The following TRIM16 variants were observed in gnomAD, a reference collection of about 807,000 sequenced individuals.
The protein encoded by TRIM16 is tripartite motif containing 16.
In TRIM16, 33 loss-of-function variants were observed where a neutral mutation model predicts 50.4. The observed-to-expected ratio is 0.65, with a 90% confidence interval of 0.50 to 0.88. TRIM16 has a LOEUF of 0.88. Ranked by LOEUF, TRIM16 falls within the 40% of genes least tolerant of loss-of-function variation. The pLI is 0.00. For missense variants in TRIM16, 581 were observed against 686.8 expected (o/e 0.85, Z 1.72); for synonymous variants, 229 against 270.7 (o/e 0.85, Z 1.51).
chr17:15,673,540 G>C (rs1295991194), intron 6 of TRIM16, among the ~76,000 whole-genome samples: 1 of 151,874 alleles, frequency 6.6e-6, no homozygotes, highest in South Asian at 2.1e-4. Flanking sequence ...AATGATATGG[G>C]AAAGTCAAGG....
intron 7 of TRIM16, among the ~76,000 whole-genome samples, chr17:15,645,066 G>A (rs1020050109): frequency 6.6e-6 from 1 of 152,102 alleles, no homozygotes; most frequent in South Asian, 2.1e-4. Flanking sequence ...CGCCTGCCTT[G>A]GCCTCCCAAA....
At position 15,643,570 on chromosome 17, in the gene TRIM16, T is replaced by G. The variant is rs1002777601; in HGVS notation, c.520-754A>C. On this transcript the variant is annotated intron_variant, in intron 7 of 11. Transcript: ENST00000649191. The stretch of plus-strand genomic sequence containing the variant: ...TCTCATGTCTCCCTAAAATGTATAC[T>G]AGGCTGTACCCCAACCACCTTGGGC... Among the ~76,000 whole-genome samples, 147 of 147,382 alleles carry G rather than the reference T, an allele frequency of 1.0e-3. 2 individuals carry two copies. Among genetic ancestry groups the G allele is most frequent in the Non-Finnish European group, 2.8e-4 (19 of 67,688 alleles).
At chr17:15,644,558 C>T (rs2035990049) in intron 7 of TRIM16, among the ~76,000 whole-genome samples, 1 of 152,142 alleles carries the variant, frequency 6.6e-6, no homozygotes, top group Admixed American at 6.5e-5. Context: ...ATTGGTGATC[C>T]TCTCAACCTT....
In TRIM16 at chr17:15,641,829, T is replaced by C. The variant is rs1250116440; in HGVS notation, c.615+892A>G. 2.0e-5 allele frequency among the ~76,000 whole-genome samples: 3 copies of C among 148,018 alleles called. 1 individual carries two copies. The highest frequency in any genetic ancestry group is 5.0e-5 in the African/African-American group (2 of 39,808). The stretch of plus-strand genomic sequence containing the variant: ...AGATGACAATGCTGATTCACTTCCA[T>C]AGGGTAGGTGTTTTGCATTCTCTCT... On this transcript the variant is annotated intron_variant, in intron 8 of 11. Transcript: ENST00000649191.
intron 8 of TRIM16, among the ~76,000 whole-genome samples, chr17:15,637,218 TG>T (rs1986825588): frequency 7.1e-5 from 6 of 84,112 alleles, no homozygotes; most frequent in African/African-American, 2.9e-4. Context: ...GGGAGGGAGG[TG>T]GGGGGGTCAG....
rs1274148283 is a variant in TRIM16 at position 15,639,984 on chromosome 17, T to A, written c.615+2737A>T. On this transcript the variant is annotated intron_variant, in intron 8 of 11. Transcript: ENST00000649191. Reference sequence around the variant, plus strand: ...ATAAAAACAACCAACATGTAGTAAGTTCTTACTATGTGCCAGGCACTTTTC... The same window carrying A: ...ATAAAAACAACCAACATGTAGTAAGATCTTACTATGTGCCAGGCACTTTTC... Among the ~76,000 whole-genome samples, 5 of 149,204 alleles carry A rather than the reference T, an allele frequency of 3.4e-5. 1 individual carries two copies. The highest frequency in any genetic ancestry group is 5.0e-5 in the African/African-American group (2 of 40,284).
At chr17:15,633,189 A>G (rs1051762162) in intron 9 of TRIM16, among the ~76,000 whole-genome samples, 9 of 152,076 alleles carry the variant, frequency 5.9e-5, no homozygotes, top group African/African-American at 1.9e-4. Context: ...GTTTCATGTA[A>G]GTTTTGAAAT....
intron 3 of TRIM16, 38 bp downstream of exon 3, chr17:15,682,816 A>C: frequency 7.2e-7 from 1 of 1,395,176 alleles, no homozygotes; most frequent in East Asian, 2.7e-5. Flanking sequence ...ATTAAAAGGG[A>C]ATATTAGTAA....
chr17:15,673,292 C>G (rs1314677527), intron 6 of TRIM16, among the ~76,000 whole-genome samples: 1 of 152,192 alleles, frequency 6.6e-6, no homozygotes. Flanking sequence ...CAGATATCAC[C>G]GTTTATTCAG....
chr17:15,644,097 G>C (rs1298039943), intron 7 of TRIM16, among the ~76,000 whole-genome samples: 1 of 152,174 alleles, frequency 6.6e-6, no homozygotes, highest in African/African-American at 2.4e-5. Context: ...TGACACCTCC[G>C]TGCCCTCTCC....
chr17:15,648,264 C>A (rs58472087), intron 7 of TRIM16, among the ~76,000 whole-genome samples: 51,622 of 145,778 alleles, frequency 0.35, 9,940 homozygotes, highest in African/African-American at 0.54. Flanking sequence ...AACAAACAAA[C>A]AAAAAAACAC....
chr17:15,681,383 G>A (rs1989176274), intron 3 of TRIM16, among the ~76,000 whole-genome samples: 1 of 152,204 alleles, frequency 6.6e-6, no homozygotes, highest in African/African-American at 2.4e-5. Flanking sequence ...CAGCAGTCAT[G>A]GTCACAGACA....
intron 6 of TRIM16, among the ~76,000 whole-genome samples, chr17:15,655,643 C>T (rs1035433795): frequency 1.3e-5 from 2 of 151,788 alleles, no homozygotes; most frequent in Admixed American, 6.6e-5. Flanking sequence ...GGCATGATCT[C>T]GGCTCACTGC....
At chr17:15,633,483 A>C (rs548023897) in intron 9 of TRIM16, among the ~76,000 whole-genome samples, 1 of 149,742 alleles carries the variant, frequency 6.7e-6, no homozygotes, top group African/African-American at 2.5e-5. Context: ...TCTTGTTTTG[A>C]ATGCCTAACC....
At chr17:15,681,493 G>A (rs570397815) in intron 3 of TRIM16, among the ~76,000 whole-genome samples, 26 of 152,332 alleles carry the variant, frequency 1.7e-4, no homozygotes, top group Admixed American at 3.9e-4. Flanking sequence ...TGTATGTGTC[G>A]TATCATTCAC....
At chr17:15,650,332 A>G (rs1987626198) in intron 7 of TRIM16, among the ~76,000 whole-genome samples, 1 of 152,112 alleles carries the variant, frequency 6.6e-6, no homozygotes, top group Non-Finnish European at 1.5e-5. Flanking sequence ...AAAAAAGCAT[A>G]TGAGGTGCCA....
Position 15,629,158 on chromosome 17 carries a change from C to T in TRIM16, c.1152G>A (p.Lys384=). ...DITFDPDTAH[K]YLRLQEENRK... is the part of the protein sequence containing the mutation. ...GGTTCTCCTCCTGCAGCCGGAGATA[C>T]TTGTGTGCTGTGTCCGGGTCAAACG... The change falls in exon 12 of 12, where the codon AAG becomes AAA. Residue 384 remains lysine (K), a synonymous_variant. Transcript: ENST00000649191. The T allele has an allele frequency of 6.2e-7, 1 of 1,612,660 alleles. No homozygotes were observed. Among genetic ancestry groups the T allele is most frequent in the Non-Finnish European group, 8.5e-7 (1 of 1,179,118 alleles).
intron 8 of TRIM16, among the ~76,000 whole-genome samples, chr17:15,638,857 T>C (rs1378134979): frequency 2.8e-5 from 4 of 144,630 alleles, no homozygotes; most frequent in African/African-American, 1.0e-4. Flanking sequence ...TGACACCAGA[T>C]AGGTCTTCTG....
chr17:15,644,867 G>C (rs1987288488), intron 7 of TRIM16, among the ~76,000 whole-genome samples: 1 of 151,880 alleles, frequency 6.6e-6, no homozygotes, highest in Non-Finnish European at 1.5e-5. Flanking sequence ...CCAGGCTGGA[G>C]TGCAATGGTG....
Sources: allele counts gnomAD v4.1 joint callset (sites outside exome capture counted in the v4.1 genomes callset), GRCh38; gene constraint gnomAD v4.1.1; transcripts MANE v1.5; gene names NCBI Gene and HGNC (gene_info 2026-07-23, HGNC 2026-07-21).